SLCO1B1: variants seen among roughly 807,000 people sequenced by gnomAD.
SLCO1B1 encodes OATP-2.
Under a neutral mutation model 70.1 loss-of-function variants are expected in SLCO1B1, and 81 were observed. The ratio of observed to expected loss-of-function variants is 1.16; its 90% confidence interval spans 0.97 to 1.39. The LOEUF (loss-of-function observed/expected upper bound fraction) is 1.39, where lower values mean the gene tolerates loss of function less well. SLCO1B1 is among the 40% of genes most tolerant of loss of function. The pLI is 0.00. For synonymous variants in SLCO1B1, 283 were observed against 271.5 expected (o/e 1.04, Z -0.42); for missense variants, 895 against 799.6 (o/e 1.12, Z -1.44).
intron 1 of SLCO1B1, among the ~76,000 whole-genome samples, chr12:21,134,849 TGG>T (rs1940195639): frequency 1.3e-5 from 2 of 152,200 alleles, no homozygotes; most frequent in African/African-American, 4.8e-5. Context: ...TCTGCTCTGA[TGG>T]TAGTTATTTC....
intron 10 of SLCO1B1, among the ~76,000 whole-genome samples, chr12:21,203,684 A>G (rs900413290): frequency 6.6e-6 from 1 of 152,136 alleles, no homozygotes; most frequent in African/African-American, 2.4e-5. Context: ...GGTATCTCCT[A>G]TCCACCATCA....
rs772191180 is a variant in SLCO1B1 at position 21,203,089 on chromosome 12, T to TTA, written c.1331+403_1331+404insTA. On this transcript the variant is annotated intron_variant, in intron 10 of 14. Coordinates refer to ENST00000256958, the MANE Select transcript of SLCO1B1 (RefSeq NM_006446.5). ...AACCACCACTGTAATCTTGGATGGA[T>TTA]CATAAGAGTTACATAAATGGCATTA... 7.7e-3 allele frequency among the ~76,000 whole-genome samples: 1,174 copies of TTA among 152,206 alleles called. 8 individuals are homozygous for TTA. Among genetic ancestry groups the TTA allele is most frequent in the Non-Finnish European group, 0.012 (782 of 67,990 alleles).
In SLCO1B1 at chr12:21,222,836, G is replaced by A. The variant is rs79721576; in HGVS notation, c.1747+472G>A. Among the ~76,000 whole-genome samples, 373 of 152,176 alleles carry A rather than the reference G, an allele frequency of 2.5e-3. 4 individuals are homozygous for A. The highest frequency in any genetic ancestry group is 8.4e-3 in the African/African-American group (349 of 41,528). ...CGTGGGAATCTGGTCAGAGAATCTGGCCAGGCTATGGCCAAATTACAATGA... is the reference window on the plus strand; with the variant it reads ...CGTGGGAATCTGGTCAGAGAATCTGACCAGGCTATGGCCAAATTACAATGA... On this transcript the variant is annotated intron_variant, in intron 13 of 14. Coordinates refer to ENST00000256958, the MANE Select transcript of SLCO1B1 (RefSeq NM_006446.5).
chr12:21,186,654 ATCATT>A (rs1940965227), intron 7 of SLCO1B1, among the ~76,000 whole-genome samples: 1 of 151,922 alleles, frequency 6.6e-6, no homozygotes, highest in South Asian at 2.1e-4. Context: ...CAGCATAAAG[ATCATT>A]GTAAAAAACA....
chr12:21,232,089 C>A (rs1034657937), intron 14 of SLCO1B1, among the ~76,000 whole-genome samples: 8 of 152,052 alleles, frequency 5.3e-5, no homozygotes, highest in African/African-American at 1.9e-4. Context: ...AGAAGGGAAG[C>A]CAGAAGTTGG....
chr12:21,199,556 G>A (rs1437946529), intron 8 of SLCO1B1, among the ~76,000 whole-genome samples: 2 of 152,084 alleles, frequency 1.3e-5, no homozygotes, highest in South Asian at 2.1e-4. Context: ...GAGAAAGTAT[G>A]TTATGGTAGA....
At chr12:21,213,369 C>T (rs1233343284) in intron 11 of SLCO1B1, among the ~76,000 whole-genome samples, 1 of 151,944 alleles carries the variant, frequency 6.6e-6, no homozygotes, top group Admixed American at 6.6e-5. Context: ...AAATTCTTGT[C>T]TTTAAGAATG....
intron 7 of SLCO1B1, among the ~76,000 whole-genome samples, chr12:21,192,765 A>G (rs1403828710): frequency 1.3e-5 from 2 of 152,072 alleles, no homozygotes; most frequent in Non-Finnish European, 2.9e-5. Flanking sequence ...GCCAGATGCT[A>G]CTAGTGACCA....
At chr12:21,204,220 G>A (rs1267557090) in intron 10 of SLCO1B1, among the ~76,000 whole-genome samples, 1 of 151,038 alleles carries the variant, frequency 6.6e-6, no homozygotes, top group African/African-American at 2.4e-5. Flanking sequence ...TTTATCAAGG[G>A]GTGCACAACT....
chr12:21,161,783 G>C (rs1045648770), intron 2 of SLCO1B1, among the ~76,000 whole-genome samples: 1 of 152,060 alleles, frequency 6.6e-6, no homozygotes, highest in African/African-American at 2.4e-5. Context: ...CGAGGTGGGC[G>C]AATCACTTGA....
At chr12:21,137,140 A>G (rs1352572393) in intron 1 of SLCO1B1, among the ~76,000 whole-genome samples, 1 of 152,168 alleles carries the variant, frequency 6.6e-6, no homozygotes, top group Non-Finnish European at 1.5e-5. Flanking sequence ...TGGCTGTAGA[A>G]GAGCGGATAT....
At chr12:21,201,999 C>G (rs1045622336) in intron 9 of SLCO1B1, among the ~76,000 whole-genome samples, 8 of 152,116 alleles carry the variant, frequency 5.3e-5, no homozygotes, top group African/African-American at 1.9e-4. Context: ...GAAAATGTGG[C>G]ACATGTGTAC....
intron 8 of SLCO1B1, among the ~76,000 whole-genome samples, chr12:21,198,743 T>A (rs1183666624): frequency 6.6e-6 from 1 of 152,130 alleles, no homozygotes; most frequent in Admixed American, 6.6e-5. Context: ...AAACAGTGTG[T>A]AAACAATGAG....
chr12:21,188,971 TC>T (rs1206834251), intron 7 of SLCO1B1, among the ~76,000 whole-genome samples: 1 of 152,198 alleles, frequency 6.6e-6, no homozygotes, highest in East Asian at 1.9e-4. Flanking sequence ...TGAATAATAT[TC>T]CATTGTATGT....
At chr12:21,178,751 G>T in intron 6 of SLCO1B1, 29 bp downstream of exon 6, 1 of 1,575,150 alleles carries the variant, frequency 6.3e-7, no homozygotes, top group Non-Finnish European at 8.7e-7. Flanking sequence ...TAAATTGTAT[G>T]ATCACTTTCC....
At chr12:21,183,795 G>T (rs1940932170) in intron 7 of SLCO1B1, among the ~76,000 whole-genome samples, 1 of 152,072 alleles carries the variant, frequency 6.6e-6, no homozygotes, top group Non-Finnish European at 1.5e-5. Context: ...AATCTGGATG[G>T]CAAGAAAGCT....
rs577473861 is a variant in SLCO1B1, at chr12:21,184,176, T to C, written c.727+5156T>C. Reference sequence around the variant, plus strand: ...GAGAGTAAACAACTTGTAAAACGTATTTGCAGATATAGTCCATGAAAATAT... The same window carrying C: ...GAGAGTAAACAACTTGTAAAACGTACTTGCAGATATAGTCCATGAAAATAT... On this transcript the variant is annotated intron_variant, in intron 7 of 14. Transcript: ENST00000256958. Among the ~76,000 whole-genome samples the C allele has an allele frequency of 1.2e-4, 18 of 152,288 alleles. 1 individual carries two copies. The South Asian group carries it at 3.7e-3, about 32-fold the overall frequency.
chr12:21,232,231 A>G (rs944715971), intron 14 of SLCO1B1, among the ~76,000 whole-genome samples: 1 of 152,240 alleles, frequency 6.6e-6, no homozygotes, highest in African/African-American at 2.4e-5. Context: ...CTTCTGAGCT[A>G]TAGCATTGGA....
At chr12:21,177,085 C>A (rs956100640) in intron 5 of SLCO1B1, among the ~76,000 whole-genome samples, 188 bp downstream of exon 5, 18 of 152,092 alleles carry the variant, frequency 1.2e-4, no homozygotes, top group Non-Finnish European at 4.4e-5. Context: ...GTTTAAACTA[C>A]GCGTTTTCAC....
Sources: allele counts gnomAD v4.1 joint callset (sites outside exome capture counted in the v4.1 genomes callset), GRCh38; gene constraint gnomAD v4.1.1; transcripts MANE v1.5; gene names NCBI Gene and HGNC (gene_info 2026-07-23, HGNC 2026-07-21).